Variants in PCDHGA8 observed in about 807,000 individuals in gnomAD.
The protein encoded by PCDHGA8 is protocadherin gamma subfamily A, 8, also known as protocadherin gamma-A8.
Under a neutral mutation model 59.2 loss-of-function variants are expected in PCDHGA8, and 45 were observed. That is an observed-to-expected ratio of 0.76 (90% CI 0.60 to 0.98). The LOEUF (loss-of-function observed/expected upper bound fraction) is 0.98. Ranked by LOEUF, PCDHGA8 falls within the 50% of genes least tolerant of loss-of-function variation. The pLI, the probability that PCDHGA8 is intolerant of heterozygous loss-of-function variation, is 0.00. For missense variants in PCDHGA8, 1,257 were observed against 1,196.2 expected (o/e 1.05, Z -0.75); for synonymous variants, 531 against 519.0 (o/e 1.02, Z -0.32).
intron 1 of PCDHGA8, among the ~76,000 whole-genome samples, chr5:141,438,792 G>T (rs2098065674): frequency 6.7e-6 from 1 of 149,346 alleles, no homozygotes. Flanking sequence ...CTCTCCAGTA[G>T]CTGGGATTAC....
chr5:141,407,703 G>A (rs1016806853), intron 1 of PCDHGA8, among the ~76,000 whole-genome samples: 26 of 152,096 alleles, frequency 1.7e-4, no homozygotes, highest in African/African-American at 6.3e-4. Flanking sequence ...ATTGTTGAAG[G>A]TGGGGTGATG....
intron 2 of PCDHGA8, among the ~76,000 whole-genome samples, chr5:141,504,253 G>A (rs1036263329): frequency 6.6e-6 from 1 of 152,100 alleles, no homozygotes; most frequent in Non-Finnish European, 1.5e-5. Context: ...TTCTTCTTAT[G>A]GTTTAGTATT....
rs745548616 is a variant in PCDHGA8 at position 141,394,020 on chromosome 5, AG to A, written c.1208del (p.Arg403AsnfsTer2). On this transcript the variant is annotated frameshift_variant, in exon 1 of 4. Transcript: ENST00000398604. LOFTEE classifies it high-confidence loss of function. ...KLEKSIGNYYRLVTRKYLDRE... is the reference protein window; with the variant it reads ...KLEKSIGNYYXLVTRKYLDRE... ...AGAAAAGTCAATAGGTAATTATTAT[AG>A]ATTAGTGACAAGGAAATATTTGGAC... The A allele has an allele frequency of 6.2e-7, 1 of 1,613,544 alleles. No homozygotes were observed. Among genetic ancestry groups the A allele is most frequent in the Non-Finnish European group, 8.5e-7 (1 of 1,179,630 alleles).
At chr5:141,445,046 G>A (rs181806844) in intron 1 of PCDHGA8, among the ~76,000 whole-genome samples, 1 of 152,248 alleles carries the variant, frequency 6.6e-6, no homozygotes, top group East Asian at 1.9e-4. Context: ...AGTTTTCAGT[G>A]TAGAGAGGTC....
At chr5:141,422,724 G>A (rs560544401) in intron 1 of PCDHGA8, 9 of 1,606,016 alleles carry the variant, frequency 5.6e-6, no homozygotes, top group East Asian at 2.2e-5. Flanking sequence ...CTGTCCAGGG[G>A]GTGCCTCTGT....
At chr5:141,426,448 C>T (rs1289310586) in intron 1 of PCDHGA8, 4 of 307,946 alleles carry the variant, frequency 1.3e-5, no homozygotes, top group Middle Eastern at 1.2e-3. Context: ...GGAGGACATG[C>T]GGCTGCATGT....
In PCDHGA8 at chr5:141,413,182, G is replaced by C. The variant is rs752788034; in HGVS notation, c.2424+17945G>C. On this transcript the variant is annotated intron_variant, in intron 1 of 3. Transcript: ENST00000398604. ...ATTCTGTAACCAGACTACAATGGCCGCTCAAAGGAATCGCTCAAAGGAATC... is the reference window on the plus strand; with the variant it reads ...ATTCTGTAACCAGACTACAATGGCCCCTCAAAGGAATCGCTCAAAGGAATC... 3.1e-6 allele frequency: 5 copies of C among 1,604,164 alleles called. No homozygotes were observed. In the South Asian group the frequency reaches 5.5e-5, roughly 18 times the overall value.
Position 141,476,383 on chromosome 5 carries a change from C to T in PCDHGA8, c.2425-18424C>T, listed in dbSNP as rs547854431. The T allele has an allele frequency of 6.2e-7, 1 of 1,613,984 alleles. No homozygotes were observed. The highest frequency in any genetic ancestry group is 8.5e-7 in the Non-Finnish European group (1 of 1,180,044). On this transcript the variant is annotated intron_variant, in intron 1 of 3. Coordinates refer to ENST00000398604, the MANE Select transcript of PCDHGA8 (RefSeq NM_032088.2). This position sits in a 1 kb window ranked among gnomAD's most constrained non-coding sequence, Gnocchi z 7.6. ...GGGAGACCGGAGAGATGTTTGTGAA[C>T]GACCGTCTGGATCGAGAGGAGCTGT...
At chr5:141,481,472 A>G (rs2099538174) in intron 1 of PCDHGA8, among the ~76,000 whole-genome samples, 1 of 152,246 alleles carries the variant, frequency 6.6e-6, no homozygotes, top group Non-Finnish European at 1.5e-5. Context: ...CCATTGGATT[A>G]TACACTTTAA....
At chr5:141,461,009 A>T (rs1407993113) in intron 1 of PCDHGA8, among the ~76,000 whole-genome samples, 1 of 151,542 alleles carries the variant, frequency 6.6e-6, no homozygotes, top group Admixed American at 6.6e-5. Flanking sequence ...GTATATATAT[A>T]TACCACATTT....
At chr5:141,406,448 A>G (rs149183502) in intron 1 of PCDHGA8, among the ~76,000 whole-genome samples, 1 of 152,348 alleles carries the variant, frequency 6.6e-6, no homozygotes, top group African/African-American at 2.4e-5. Context: ...TTCCATTTCT[A>G]TGACAGGAAA....
chr5:141,449,693 G>A (rs2098652097), intron 1 of PCDHGA8, among the ~76,000 whole-genome samples: 1 of 150,164 alleles, frequency 6.7e-6, no homozygotes, highest in South Asian at 2.1e-4. Flanking sequence ...TTGTGTGTAT[G>A]TACACAAACA....
chr5:141,505,294 G>A, intron 2 of PCDHGA8, 99 bp from the exon 3 acceptor site: 1 of 1,572,086 alleles, frequency 6.4e-7, no homozygotes, highest in Non-Finnish European at 8.6e-7. Flanking sequence ...GCATGGGGTA[G>A]GGTTAGGGTA....
Position 141,405,333 on chromosome 5 carries a change from C to T in PCDHGA8, c.2424+10096C>T, listed in dbSNP as rs1253133454. 29 of 1,614,086 alleles carry T rather than the reference C, an allele frequency of 1.8e-5. No homozygotes were observed. Among genetic ancestry groups the T allele is most frequent in the Non-Finnish European group, 2.5e-5 (29 of 1,180,034 alleles). ...GAGAAAAATGAGCCTTTGTGCGTCT[C>T]TGTTGATTCCAAGTTTCCTATAGAA... On this transcript the variant is annotated intron_variant, in intron 1 of 3. Coordinates refer to ENST00000398604, the MANE Select transcript of PCDHGA8 (RefSeq NM_032088.2).
At position 141,427,736 on chromosome 5, in the gene PCDHGA8, A is replaced by G. The variant is rs781594851; in HGVS notation, c.2424+32499A>G. 3.3e-6 allele frequency: 4 copies of G among 1,214,562 alleles called. No individual in the cohort carries two copies. In the South Asian group the frequency reaches 4.9e-5, roughly 15 times the overall value. The allele number at this position is 1,214,562 out of a possible 1,614,324, so 75.2% of individuals were successfully genotyped here. ...ACCTGGACCTAGGGCTGAATGGCCA[A>G]GTCTCCTACTCCATCGTTACCACTG... On this transcript the variant is annotated intron_variant, in intron 1 of 3. Coordinates refer to ENST00000398604, the MANE Select transcript of PCDHGA8 (RefSeq NM_032088.2).
At chr5:141,410,828 C>A in intron 1 of PCDHGA8, 4 of 377,748 alleles carry the variant, frequency 1.1e-5, no homozygotes, top group Non-Finnish European at 1.8e-5. Context: ...TGTCACCAGA[C>A]TGAAGATATT....
At chr5:141,408,002 T>A in intron 1 of PCDHGA8, 1 of 908,258 alleles carries the variant, frequency 1.1e-6, no homozygotes, top group Non-Finnish European at 1.6e-6. Flanking sequence ...GGCCTGGGAT[T>A]CCCTGCGCAG....
chr5:141,505,450 G>T lies in PCDHGA8; in HGVS notation c.2541G>T (p.Met847Ile). Residue 847 changes from methionine (M) to isoleucine (I), a missense_variant, in exon 3 of 4, where the codon ATG becomes ATT. By Grantham distance (10) the Met-to-Ile change is conservative (BLOSUM62 1). Coordinates refer to ENST00000398604, the MANE Select transcript of PCDHGA8 (RefSeq NM_032088.2). ...TWPNNQFDTE[M>I]LQAMILASAS... ...CCAACAACCAGTTTGACACAGAGAT[G>T]CTGCAAGCCATGATCTTGGCGTCCG... 6.2e-7 allele frequency: 1 copy of T among 1,614,194 alleles called. No homozygotes were observed. The highest frequency in any genetic ancestry group is 8.5e-7 in the Non-Finnish European group (1 of 1,180,012).
At chr5:141,431,000 A>G (rs1272572092) in intron 1 of PCDHGA8, 4 of 1,613,898 alleles carry the variant, frequency 2.5e-6, no homozygotes, top group African/African-American at 1.3e-5. Flanking sequence ...GAATCCGCGC[A>G]GCGGCAGCTT....
Sources: allele counts gnomAD v4.1 joint callset (sites outside exome capture counted in the v4.1 genomes callset), GRCh38; gene constraint gnomAD v4.1.1; non-coding constraint Gnocchi (gnomAD v3.1); transcripts MANE v1.5; gene names NCBI Gene and HGNC (gene_info 2026-07-23, HGNC 2026-07-21).